PLXDC2: variants seen among roughly 807,000 people sequenced by gnomAD.
PLXDC2 encodes plexin domain-containing protein 2.
A neutral mutation model predicts 68.9 loss-of-function variants in PLXDC2; 40 were observed. That is an observed-to-expected ratio of 0.58 (90% CI 0.45 to 0.76). The LOEUF (loss-of-function observed/expected upper bound fraction) is 0.76, where lower values mean the gene tolerates loss of function less well. Ranked by LOEUF, PLXDC2 falls within the 30% of genes least tolerant of loss-of-function variation. The pLI, the probability that PLXDC2 is intolerant of heterozygous loss-of-function variation, is 0.00. For missense variants in PLXDC2, 644 were observed against 661.9 expected (o/e 0.97, Z 0.30); for synonymous variants, 243 against 234.2 (o/e 1.04, Z -0.34).
At chr10:20,265,021 T>G (rs1835852862) in intron 13 of PLXDC2, among the ~76,000 whole-genome samples, 1 of 152,162 alleles carries the variant, frequency 6.6e-6, no homozygotes, top group Admixed American at 6.6e-5. Context: ...AGAAAACACT[T>G]GAATTATAAG....
At chr10:20,113,377 T>G (rs1349592451) in intron 4 of PLXDC2, among the ~76,000 whole-genome samples, 1 of 152,218 alleles carries the variant, frequency 6.6e-6, no homozygotes, top group Non-Finnish European at 1.5e-5. Flanking sequence ...CTGTAGTAAC[T>G]GGTACCATCA....
intron 1 of PLXDC2, among the ~76,000 whole-genome samples, chr10:19,892,888 T>C (rs1410504430): frequency 1.3e-5 from 2 of 151,854 alleles, no homozygotes; most frequent in Non-Finnish European, 2.9e-5. Context: ...AGGAGGAGCC[T>C]GGCTTTCTTA....
intron 2 of PLXDC2, among the ~76,000 whole-genome samples, chr10:20,039,332 T>G (rs6482078): frequency 4.6e-5 from 7 of 152,274 alleles, no homozygotes; most frequent in African/African-American, 1.4e-4. Flanking sequence ...GTGGAGATGT[T>G]TATTTTACGG....
In PLXDC2 at chr10:20,081,867, C is replaced by G. The variant is rs76114105; in HGVS notation, c.541+13628C>G. On this transcript the variant is annotated intron_variant, in intron 4 of 13. Transcript: ENST00000377252. ...CATCTTGGCCAACATGGTGAAACCC[C>G]ATCTCTACTAGAAAAAAATTTTAAA... Among the ~76,000 whole-genome samples the G allele has an allele frequency of 9.8e-3, 1,485 of 151,470 alleles. 55 individuals are homozygous for G. The South Asian group carries it at 0.12, about 13-fold the overall frequency.
At chr10:20,217,230 A>T (rs1056684218) in intron 10 of PLXDC2, among the ~76,000 whole-genome samples, 196 bp from the exon 11 acceptor site, 2 of 152,194 alleles carry the variant, frequency 1.3e-5, no homozygotes, top group African/African-American at 4.8e-5. Flanking sequence ...GCCTTGTTCC[A>T]TCCATCTTTT....
intron 6 of PLXDC2, among the ~76,000 whole-genome samples, chr10:20,161,097 G>A (rs1834284803): frequency 6.6e-6 from 1 of 152,132 alleles, no homozygotes; most frequent in Non-Finnish European, 1.5e-5. Flanking sequence ...ACTTTTAACA[G>A]AGAATGTATT....
chr10:19,994,253 CTT>C (rs528321973), intron 1 of PLXDC2, among the ~76,000 whole-genome samples: 10,809 of 86,202 alleles, frequency 0.13, 785 homozygotes, highest in Non-Finnish European at 0.18. Context: ...TTGTATTCTC[CTT>C]TTTTTTTTTT....
chr10:20,177,149 G>T, intron 8 of PLXDC2, 55 bp downstream of exon 8: 1 of 1,433,634 alleles, frequency 7.0e-7, no homozygotes, highest in South Asian at 1.1e-5. Context: ...TTGATGATCT[G>T]ATCTGTTCAA....
At chr10:20,096,711 T>C (rs934526018) in intron 4 of PLXDC2, among the ~76,000 whole-genome samples, 1 of 152,174 alleles carries the variant, frequency 6.6e-6, no homozygotes, top group African/African-American at 2.4e-5. Flanking sequence ...TATTAATTTG[T>C]AAAGCTAAGT....
At chr10:19,998,074 C>T (rs1834871252) in intron 1 of PLXDC2, among the ~76,000 whole-genome samples, 1 of 152,144 alleles carries the variant, frequency 6.6e-6, no homozygotes, top group Non-Finnish European at 1.5e-5. Flanking sequence ...AATTAACATA[C>T]AGTAGACCGA....
chr10:20,073,861 C>A (rs923754574), intron 4 of PLXDC2, among the ~76,000 whole-genome samples: 1 of 151,752 alleles, frequency 6.6e-6, no homozygotes, highest in Non-Finnish European at 1.5e-5. Context: ...TTTAAATGTT[C>A]AAAAATGTAG....
At chr10:20,105,732 C>A (rs1400361893) in intron 4 of PLXDC2, among the ~76,000 whole-genome samples, 1 of 152,218 alleles carries the variant, frequency 6.6e-6, no homozygotes, top group East Asian at 1.9e-4. Flanking sequence ...CCTTGGTTGT[C>A]AGGCTCTCAA....
intron 7 of PLXDC2, among the ~76,000 whole-genome samples, chr10:20,169,045 G>T (rs1420881279): frequency 1.3e-5 from 2 of 152,006 alleles, no homozygotes; most frequent in Admixed American, 6.6e-5. Flanking sequence ...GTCATTAATA[G>T]TTATAAGAAA....
At chr10:20,038,244 A>T (rs1835615597) in intron 2 of PLXDC2, among the ~76,000 whole-genome samples, 1 of 143,020 alleles carries the variant, frequency 7.0e-6, no homozygotes, top group Non-Finnish European at 1.5e-5. Context: ...TCAAAAAAAT[A>T]AAAAAAAAAA....
intron 1 of PLXDC2, among the ~76,000 whole-genome samples, chr10:19,943,361 T>A (rs578178453): frequency 6.6e-6 from 1 of 152,368 alleles, no homozygotes; most frequent in African/African-American, 2.4e-5. Context: ...TAATCTACTT[T>A]AGGTATTGGG....
In PLXDC2 at chr10:19,916,935, A is replaced by G. The variant is rs1253568493; in HGVS notation, c.113-84840A>G. Among the ~76,000 whole-genome samples, 5 of 152,250 alleles carry G rather than the reference A, an allele frequency of 3.3e-5. No individual in the cohort carries two copies. In the East Asian group the frequency reaches 9.6e-4, roughly 29 times the overall value. ...ATTTTTGTAGCAACAGTGGTTAAATATAACTTTTTAGTCATTCAAAAAGAG... is the reference window on the plus strand; with the variant it reads ...ATTTTTGTAGCAACAGTGGTTAAATGTAACTTTTTAGTCATTCAAAAAGAG... On this transcript the variant is annotated intron_variant, in intron 1 of 13. Transcript: ENST00000377252.
chr10:20,080,742 A>G (rs1564307925), intron 4 of PLXDC2, among the ~76,000 whole-genome samples: 1 of 152,140 alleles, frequency 6.6e-6, no homozygotes, highest in Non-Finnish European at 1.5e-5. Context: ...AGCCAGGAAC[A>G]ATACTTTGTA....
chr10:19,917,273 C>T (rs553953371), intron 1 of PLXDC2, among the ~76,000 whole-genome samples: 1 of 151,686 alleles, frequency 6.6e-6, no homozygotes, highest in East Asian at 1.9e-4. Context: ...GAACTGTGTT[C>T]AATTTTTTGG....
At chr10:20,103,681 T>A (rs1337430596) in intron 4 of PLXDC2, among the ~76,000 whole-genome samples, 1 of 149,916 alleles carries the variant, frequency 6.7e-6, no homozygotes, top group Non-Finnish European at 1.5e-5. Context: ...TATCGTTGTC[T>A]CCCATGCTGG....
Sources: gnomAD v4.1 joint callset for allele counts (sites outside exome capture counted in the v4.1 genomes callset) on GRCh38, gnomAD v4.1.1 for gene constraint, MANE v1.5 for transcripts, NCBI Gene and HGNC (gene_info 2026-07-23, HGNC 2026-07-21) for gene names.